The following DCC variants were observed in gnomAD, a reference collection of about 807,000 sequenced individuals.
DCC encodes DCC netrin 1 receptor.
Under a neutral mutation model 172.5 loss-of-function variants are expected in DCC, and 58 were observed. That is an observed-to-expected ratio of 0.34 (90% CI 0.27 to 0.42). DCC has a LOEUF of 0.42. Ranked by LOEUF, DCC falls within the 10% of genes least tolerant of loss-of-function variation. The probability of loss-of-function intolerance (pLI) is 1.00; values close to 1 mark genes in which losing one functional copy is unlikely to be tolerated. For missense variants in DCC, 1,740 were observed against 1,791.0 expected (o/e 0.97, Z 0.51); for synonymous variants, 709 against 644.5 (o/e 1.10, Z -1.52).
At chr18:52,758,178 A>G (rs182948879) in intron 2 of DCC, among the ~76,000 whole-genome samples, 182 of 152,338 alleles carry the variant, frequency 1.2e-3, no homozygotes, top group African/African-American at 4.2e-3. Flanking sequence ...TTCAATAGTG[A>G]CACATGACAA....
intron 7 of DCC, among the ~76,000 whole-genome samples, chr18:53,125,618 A>G (rs1251924263): frequency 6.6e-6 from 1 of 152,134 alleles, no homozygotes; most frequent in Non-Finnish European, 1.5e-5. Flanking sequence ...AAAGTATTAC[A>G]TTAAACAAAT....
At chr18:53,101,394 G>C (rs2043170500) in intron 7 of DCC, among the ~76,000 whole-genome samples, 1 of 152,014 alleles carries the variant, frequency 6.6e-6, no homozygotes, top group African/African-American at 2.4e-5. Flanking sequence ...AATATTTCAT[G>C]GGCTGAAATG....
intron 8 of DCC, among the ~76,000 whole-genome samples, chr18:53,170,035 G>T (rs756606130): frequency 1.3e-5 from 2 of 151,904 alleles, no homozygotes; most frequent in African/African-American, 4.9e-5. Flanking sequence ...AGCCTGGAAA[G>T]GGTGATTAAA....
intron 7 of DCC, among the ~76,000 whole-genome samples, chr18:53,094,489 A>AATATG (rs1165614407): frequency 6.6e-6 from 1 of 152,214 alleles, no homozygotes; most frequent in Non-Finnish European, 1.5e-5. Context: ...GTTTTTTGAC[A>AATATG]ACACATCACG....
At chr18:53,271,603 G>T (rs1329831930) in intron 12 of DCC, among the ~76,000 whole-genome samples, 1 of 152,156 alleles carries the variant, frequency 6.6e-6, no homozygotes, top group Non-Finnish European at 1.5e-5. Flanking sequence ...CCTCTCCATA[G>T]GGCAGGTCAT....
intron 2 of DCC, among the ~76,000 whole-genome samples, chr18:52,797,374 C>T (rs2037896244): frequency 6.6e-6 from 1 of 152,154 alleles, no homozygotes; most frequent in Non-Finnish European, 1.5e-5. Context: ...GTAATAGCTG[C>T]TTCTTCCAAT....
At chr18:53,516,981 A>G (rs1383934797) in intron 27 of DCC, among the ~76,000 whole-genome samples, 3 of 145,094 alleles carry the variant, frequency 2.1e-5, no homozygotes, top group African/African-American at 8.1e-5. Context: ...TCATGCTGCT[A>G]TAAAGACACA....
intron 15 of DCC, among the ~76,000 whole-genome samples, chr18:53,347,412 C>G (rs558100964): frequency 1.2e-4 from 18 of 152,070 alleles, no homozygotes; most frequent in African/African-American, 4.1e-4. Context: ...GATGGATGAG[C>G]CAAAAAGAGC....
At chr18:53,382,541 C>G (rs1239277415) in intron 15 of DCC, among the ~76,000 whole-genome samples, 1 of 152,040 alleles carries the variant, frequency 6.6e-6, no homozygotes, top group Non-Finnish European at 1.5e-5. Flanking sequence ...AAATGTATAG[C>G]ATTCATAAGC....
intron 12 of DCC, among the ~76,000 whole-genome samples, chr18:53,246,736 A>G (rs2056369667): frequency 6.6e-6 from 1 of 152,060 alleles, no homozygotes; most frequent in Admixed American, 6.6e-5. Context: ...AATGACTATA[A>G]GTTGCATGGG....
intron 12 of DCC, among the ~76,000 whole-genome samples, chr18:53,274,623 A>C (rs1334489604): frequency 6.6e-6 from 1 of 152,146 alleles, no homozygotes; most frequent in East Asian, 1.9e-4. Flanking sequence ...TTTTAGAAGC[A>C]AGATTTTCAG....
intron 1 of DCC, among the ~76,000 whole-genome samples, chr18:52,465,477 CAGTTATT>C (rs1988759409): frequency 6.6e-6 from 1 of 152,128 alleles, no homozygotes; most frequent in Admixed American, 6.5e-5. Context: ...CTGAGTCTCA[CAGTTATT>C]ATAGGCACAA....
intron 1 of DCC, among the ~76,000 whole-genome samples, chr18:52,649,798 C>T (rs747738327): frequency 1.2e-4 from 19 of 152,116 alleles, no homozygotes; most frequent in Non-Finnish European, 2.4e-4. Context: ...ATGTGGTACA[C>T]ATATATTAAT....
chr18:52,589,569 G>A (rs1392030744), intron 1 of DCC, among the ~76,000 whole-genome samples: 1 of 152,170 alleles, frequency 6.6e-6, no homozygotes, highest in African/African-American at 2.4e-5. Flanking sequence ...AGCCAGCCTG[G>A]TGTTTAGTGA....
intron 1 of DCC, among the ~76,000 whole-genome samples, chr18:52,414,694 G>A (rs1056110641): frequency 2.0e-5 from 3 of 152,188 alleles, no homozygotes; most frequent in African/African-American, 7.2e-5. Flanking sequence ...ATATTTGTAT[G>A]TTGTGGTCAT....
chr18:53,065,497 TC>T (rs1478146408), intron 6 of DCC, among the ~76,000 whole-genome samples: 1 of 152,086 alleles, frequency 6.6e-6, no homozygotes, highest in Non-Finnish European at 1.5e-5. Context: ...TTCACCATAC[TC>T]CCCTCTCCAA....
At chr18:52,435,336 A>G (rs1360219960) in intron 1 of DCC, among the ~76,000 whole-genome samples, 1 of 152,022 alleles carries the variant, frequency 6.6e-6, no homozygotes, top group African/African-American at 2.4e-5. Flanking sequence ...GTCTTCCTTC[A>G]GCAGCCTCCC....
intron 20 of DCC, among the ~76,000 whole-genome samples, chr18:53,412,675 A>G (rs1910054102): frequency 6.6e-6 from 1 of 152,152 alleles, no homozygotes; most frequent in South Asian, 2.1e-4. Flanking sequence ...CAAGTATTTC[A>G]TAGTAATGCT....
chr18:53,275,567 A>G (rs1241540646), intron 12 of DCC, among the ~76,000 whole-genome samples: 1 of 152,144 alleles, frequency 6.6e-6, no homozygotes, highest in Admixed American at 6.6e-5. Context: ...AAAAATTGGA[A>G]CAAAAACTTT....
Sources: gnomAD v4.1 joint callset for allele counts (sites outside exome capture counted in the v4.1 genomes callset) on GRCh38, gnomAD v4.1.1 for gene constraint, MANE v1.5 for transcripts, NCBI Gene and HGNC (gene_info 2026-07-23, HGNC 2026-07-21) for gene names.